The following KIF26B variants were observed in gnomAD, a reference collection of about 807,000 sequenced individuals.
KIF26B encodes the protein kinesin family member 26B.
KIF26B carries 63 observed loss-of-function variants against 151.2 expected under a neutral mutation model. That is an observed-to-expected ratio of 0.42 (90% CI 0.34 to 0.51). The LOEUF (loss-of-function observed/expected upper bound fraction) is 0.51. Ranked by LOEUF, KIF26B falls within the 20% of genes least tolerant of loss-of-function variation. The probability of loss-of-function intolerance (pLI) is 0.07; values close to 1 mark genes in which losing one functional copy is unlikely to be tolerated. For synonymous variants in KIF26B, 1,357 were observed against 1,262.1 expected (o/e 1.08, Z -1.59); for missense variants, 2,813 against 2,913.6 (o/e 0.97, Z 0.79).
chr1:245,216,357 G>A (rs1669644735), intron 2 of KIF26B: 1 of 152,036 alleles, frequency 6.6e-6, no homozygotes, highest in African/African-American at 2.4e-5. Context: ...TTATGAACAG[G>A]GTAAACTCAG....
intron 2 of KIF26B, among the ~76,000 whole-genome samples, chr1:245,361,478 C>T (rs772300163): frequency 6.6e-6 from 1 of 152,172 alleles, no homozygotes; most frequent in African/African-American, 2.4e-5. Context: ...GTGCTCAGCG[C>T]GGTGTTCATG....
chr1:245,341,071 G>C (rs965420605), intron 2 of KIF26B, among the ~76,000 whole-genome samples: 4 of 152,118 alleles, frequency 2.6e-5, no homozygotes, highest in African/African-American at 4.8e-5. Context: ...CCCAATCCCA[G>C]TGCCTCAGAT....
At chr1:245,394,503 G>A (rs1673775567) in intron 3 of KIF26B, among the ~76,000 whole-genome samples, 1 of 151,950 alleles carries the variant, frequency 6.6e-6, no homozygotes, top group Non-Finnish European at 1.5e-5. Context: ...CAGGCCTGTA[G>A]TCTCAGTTAC....
intron 3 of KIF26B, among the ~76,000 whole-genome samples, chr1:245,402,466 T>C (rs1481630697): frequency 1.3e-5 from 2 of 152,156 alleles, no homozygotes; most frequent in Non-Finnish European, 2.9e-5. Flanking sequence ...TGACCTGGAT[T>C]GGAGGGAAGT....
chr1:245,293,287 A>G (rs1454557270), intron 2 of KIF26B, among the ~76,000 whole-genome samples: 1 of 152,020 alleles, frequency 6.6e-6, no homozygotes, highest in Non-Finnish European at 1.5e-5. Flanking sequence ...AGCAGAGATG[A>G]TGACACTGGG....
chr1:245,432,191 G>C (rs564699051), intron 4 of KIF26B, among the ~76,000 whole-genome samples: 2 of 152,316 alleles, frequency 1.3e-5, no homozygotes, highest in East Asian at 3.9e-4. Context: ...ACAAATGGGA[G>C]ATGGGCGGCT....
At chr1:245,271,349 T>G (rs993327149) in intron 2 of KIF26B, among the ~76,000 whole-genome samples, 1 of 152,224 alleles carries the variant, frequency 6.6e-6, no homozygotes, top group Non-Finnish European at 1.5e-5. Context: ...CTTCAGGTAC[T>G]ATGGACATTT....
At chr1:245,249,130 G>A (rs537166972) in intron 2 of KIF26B, among the ~76,000 whole-genome samples, 1 of 152,284 alleles carries the variant, frequency 6.6e-6, no homozygotes, top group South Asian at 2.1e-4. Flanking sequence ...GTTTATTTTT[G>A]AGATGGAGTC....
Position 245,375,584 on chromosome 1 carries a change from G to A in KIF26B, c.999+8217G>A, listed in dbSNP as rs1473119943. Among the ~76,000 whole-genome samples the A allele has an allele frequency of 6.6e-6, 1 of 152,154 alleles. No homozygotes were observed. The highest frequency in any genetic ancestry group is 1.9e-4 in the East Asian group (1 of 5,186). ...GGCAAGGGTGTGATTCTCCCCTAGA[G>A]CCTCCAGAAGAAGCCAGCCCTGCAG... On this transcript the variant is annotated intron_variant, in intron 3 of 14. Transcript: ENST00000407071. This position sits in a 1 kb window ranked among gnomAD's most constrained non-coding sequence, Gnocchi z 4.2.
chr1:245,172,081 CTGTT>C (rs5782325), intron 2 of KIF26B, among the ~76,000 whole-genome samples: 115,438 of 151,668 alleles, frequency 0.76, 44,704 homozygotes, highest in East Asian at 0.94. Flanking sequence ...ATCCATCCAC[CTGTT>C]TGTTTATCCA....
At chr1:245,303,636 G>A (rs948667009) in intron 2 of KIF26B, among the ~76,000 whole-genome samples, 3 of 152,216 alleles carry the variant, frequency 2.0e-5, no homozygotes, top group African/African-American at 4.8e-5. Context: ...CCTGCACACC[G>A]TAAGACTATC....
chr1:245,568,063 G>A (rs1487122250), intron 5 of KIF26B, among the ~76,000 whole-genome samples: 1 of 151,862 alleles, frequency 6.6e-6, no homozygotes, highest in Non-Finnish European at 1.5e-5. Flanking sequence ...CAGCTACTCA[G>A]GAGGCTGAGG....
intron 5 of KIF26B, among the ~76,000 whole-genome samples, chr1:245,555,657 T>G (rs1375095513): frequency 6.6e-6 from 1 of 152,106 alleles, no homozygotes; most frequent in African/African-American, 2.4e-5. Context: ...ACCCCCTGCA[T>G]TTTTTGATGG....
chr1:245,294,116 G>A (rs1440348027), intron 2 of KIF26B, among the ~76,000 whole-genome samples: 2 of 152,120 alleles, frequency 1.3e-5, no homozygotes, highest in East Asian at 1.9e-4. Flanking sequence ...CTGTGTACAC[G>A]GAGTCTATGG....
intron 2 of KIF26B, among the ~76,000 whole-genome samples, chr1:245,285,056 A>G (rs908810709): frequency 6.6e-6 from 1 of 152,138 alleles, no homozygotes; most frequent in Non-Finnish European, 1.5e-5. Context: ...CAAACAAACA[A>G]GCGAACAAAA....
intron 4 of KIF26B, among the ~76,000 whole-genome samples, chr1:245,484,260 T>C (rs1405706446): frequency 6.6e-6 from 1 of 151,874 alleles, no homozygotes; most frequent in Non-Finnish European, 1.5e-5. Flanking sequence ...CTTAATCTCT[T>C]CAAAGGAAGT....
At chr1:245,383,033 G>A (rs1304073308) in intron 3 of KIF26B, among the ~76,000 whole-genome samples, 2 of 142,344 alleles carry the variant, frequency 1.4e-5, no homozygotes, top group Admixed American at 7.0e-5. Context: ...ATATATATAT[G>A]TATATGTATA....
chr1:245,545,632 G>T (rs969798967), intron 5 of KIF26B, among the ~76,000 whole-genome samples: 3 of 152,178 alleles, frequency 2.0e-5, no homozygotes, highest in Non-Finnish European at 4.4e-5. Context: ...TCACTTTGAA[G>T]TTACATAAAC....
At chr1:245,562,980 T>C (rs12089954) in intron 5 of KIF26B, among the ~76,000 whole-genome samples, 22,726 of 152,160 alleles carry the variant, frequency 0.15, 2,347 homozygotes, top group African/African-American at 0.3. Context: ...CCCAAAGTGA[T>C]AGAATTACAA....
Sources: allele counts gnomAD v4.1 joint callset (sites outside exome capture counted in the v4.1 genomes callset), GRCh38; gene constraint gnomAD v4.1.1; non-coding constraint Gnocchi (gnomAD v3.1); transcripts MANE v1.5; gene names NCBI Gene and HGNC (gene_info 2026-07-23, HGNC 2026-07-21).